Variants in PALM2AKAP2 observed in about 807,000 individuals in gnomAD.
The protein encoded by PALM2AKAP2 is PALM2 and AKAP2 fusion.
PALM2AKAP2 carries 37 observed loss-of-function variants against 71.5 expected under a neutral mutation model. The observed-to-expected ratio is 0.52, with a 90% CI of 0.40 to 0.68. PALM2AKAP2 has a LOEUF of 0.68. Ranked by LOEUF, PALM2AKAP2 falls within the 30% of genes least tolerant of loss-of-function variation. The pLI, the probability that PALM2AKAP2 is intolerant of heterozygous loss-of-function variation, is 0.00. For missense variants in PALM2AKAP2, 1,224 were observed against 1,191.8 expected, an observed-to-expected ratio of 1.03 and a Z score of -0.40; for synonymous variants, 468 against 478.8, an observed-to-expected ratio of 0.98 and a Z score of 0.29.
At chr9:109,781,004 C>T (rs117942555) in intron 1 of PALM2AKAP2, among the ~76,000 whole-genome samples, 3,262 of 152,330 alleles carry the variant, frequency 0.021, 54 homozygotes, top group Non-Finnish European at 0.033. Flanking sequence ...CTCCCAGAAA[C>T]CGGGAATGTT....
chr9:110,125,463 C>G, intron 1 of PALM2AKAP2: 1 of 975,488 alleles, frequency 1.0e-6, no homozygotes, highest in Non-Finnish European at 1.2e-6. Context: ...GAGGGAGGGC[C>G]CACGGTGACA....
intron 7 of PALM2AKAP2, among the ~76,000 whole-genome samples, chr9:110,021,258 G>T (rs1417277408): frequency 6.6e-6 from 1 of 152,310 alleles, no homozygotes; most frequent in East Asian, 1.9e-4. Context: ...TTGAAGTTAT[G>T]CAGCCCAAGT....
intron 6 of PALM2AKAP2, among the ~76,000 whole-genome samples, chr9:109,965,888 C>CTAAAAACTAAAAAAACTAAAAAAAACTA (rs1327885731): frequency 4.7e-4 from 72 of 152,168 alleles, no homozygotes; most frequent in Admixed American, 1.4e-3. Flanking sequence ...AAGTAGTCAA[C>CTAAAAACTAAAAAAACTAAAAAAAACTA]GAAGGATTTG....
chr9:109,678,498 A>G lies in PALM2AKAP2; in HGVS notation c.5+37632A>G, dbSNP rs182301332. On this transcript the variant is annotated intron_variant, in intron 1 of 6. Coordinates refer to the PALM2AKAP2 transcript ENST00000374531. ...TCAATTGCCTTTCTCATTGTTTACC[A>G]TGCTTTATATTCAAGGTGAGCGAAG... Among the ~76,000 whole-genome samples, 237 of 152,330 alleles carry G rather than the reference A, an allele frequency of 1.6e-3. 1 individual carries two copies. The highest frequency in any genetic ancestry group is 5.2e-3 in the African/African-American group (215 of 41,562).
chr9:109,892,209 T>A (rs1830105404), intron 3 of PALM2AKAP2, among the ~76,000 whole-genome samples: 1 of 152,202 alleles, frequency 6.6e-6, no homozygotes, highest in South Asian at 2.1e-4. Flanking sequence ...AAATCCTTCC[T>A]TGCCTCTCTC....
chr9:109,883,037 A>G (rs887859130), intron 3 of PALM2AKAP2, among the ~76,000 whole-genome samples: 2 of 152,144 alleles, frequency 1.3e-5, no homozygotes, highest in Non-Finnish European at 2.9e-5. Context: ...ATATGTTGTT[A>G]TTATGGTCCA....
intron 1 of PALM2AKAP2, among the ~76,000 whole-genome samples, chr9:109,822,954 A>G (rs971232181): frequency 1.3e-5 from 2 of 152,192 alleles, no homozygotes; most frequent in African/African-American, 2.4e-5. Flanking sequence ...ACTGCTTGCC[A>G]TAGTCCGCCT....
At chr9:109,730,473 C>A (rs1178308083) in intron 1 of PALM2AKAP2, among the ~76,000 whole-genome samples, 2 of 152,108 alleles carry the variant, frequency 1.3e-5, no homozygotes, top group Non-Finnish European at 2.9e-5. Flanking sequence ...AGAATGTTGC[C>A]TGAGGCTGCA....
At chr9:109,929,863 CAAAAAAAAA>C (rs58029417) in intron 5 of PALM2AKAP2, among the ~76,000 whole-genome samples, 4,676 of 69,550 alleles carry the variant, frequency 0.067, 190 homozygotes, top group South Asian at 0.22. Flanking sequence ...GACTCCATTT[CAAAAAAAAA>C]AAAAAAAAAA....
At chr9:109,685,094 C>G (rs1827790115) in intron 1 of PALM2AKAP2, among the ~76,000 whole-genome samples, 1 of 152,014 alleles carries the variant, frequency 6.6e-6, no homozygotes. Context: ...CTAGAAGATA[C>G]AAAATTATAG....
chr9:109,986,237 T>C (rs903948242), intron 6 of PALM2AKAP2, among the ~76,000 whole-genome samples: 1 of 148,536 alleles, frequency 6.7e-6, no homozygotes, highest in African/African-American at 2.4e-5. Context: ...TTTGATTGAA[T>C]GTAATTAATG....
At chr9:110,103,988 A>T (rs1333714806) in intron 1 of PALM2AKAP2, among the ~76,000 whole-genome samples, 1 of 152,098 alleles carries the variant, frequency 6.6e-6, no homozygotes, top group African/African-American at 2.4e-5. Context: ...GGAACATTTC[A>T]GGTTTGAGTG....
intron 1 of PALM2AKAP2, among the ~76,000 whole-genome samples, chr9:109,740,799 G>A (rs1019297305): frequency 4.6e-5 from 7 of 152,162 alleles, no homozygotes; most frequent in Admixed American, 1.3e-4. Context: ...GACTACAGGC[G>A]TGTGCCACCA....
At chr9:109,843,363 C>A (rs1024765585) in intron 1 of PALM2AKAP2, among the ~76,000 whole-genome samples, 8 of 150,546 alleles carry the variant, frequency 5.3e-5, no homozygotes, top group Non-Finnish European at 1.2e-4. Context: ...TTTACATCTC[C>A]TCTCATTAAT....
At chr9:109,780,279 C>T (rs1426766178), upstream of PALM2AKAP2, 2 of 1,206,632 alleles carry the variant, frequency 1.7e-6, no homozygotes. Flanking sequence ...CGCAGCCAGG[C>T]GGCCGGGAGG....
chr9:109,857,491 G>A (rs1226638847), intron 1 of PALM2AKAP2, among the ~76,000 whole-genome samples: 2 of 152,130 alleles, frequency 1.3e-5, no homozygotes, highest in Non-Finnish European at 2.9e-5. Context: ...TTTGGAGATT[G>A]GAGGGATTTG....
chr9:109,779,011 C>T (rs1206798978), upstream of PALM2AKAP2, among the ~76,000 whole-genome samples: 3 of 152,080 alleles, frequency 2.0e-5, no homozygotes, highest in Non-Finnish European at 4.4e-5. Context: ...CTTAGGTGAT[C>T]CACCCGCCTT....
At chr9:110,092,422 TTTAA>T (rs1315494778) in intron 1 of PALM2AKAP2, among the ~76,000 whole-genome samples, 12 of 152,232 alleles carry the variant, frequency 7.9e-5, no homozygotes, top group African/African-American at 2.9e-4. Flanking sequence ...TTCCTTGTAT[TTTAA>T]TTAATGAATG....
intron 5 of PALM2AKAP2, 128 bp downstream of exon 5, chr9:109,925,210 C>T: frequency 2.1e-6 from 3 of 1,446,528 alleles, no homozygotes; most frequent in Non-Finnish European, 1.9e-6. Flanking sequence ...AGTAGCAGCG[C>T]TGGTTGCAGG....
Sources: gnomAD v4.1 joint callset for allele counts (sites outside exome capture counted in the v4.1 genomes callset) on GRCh38, gnomAD v4.1.1 for gene constraint, MANE v1.5 for transcripts, NCBI Gene and HGNC (gene_info 2026-07-23, HGNC 2026-07-21) for gene names.